CCT3: variants seen among roughly 807,000 people sequenced by gnomAD.
CCT3 encodes T-complex protein 1 subunit gamma.
CCT3 carries 10 observed loss-of-function variants against 65.3 expected under a neutral mutation model. That is an observed-to-expected ratio of 0.15 (90% CI 0.09 to 0.26). The LOEUF (loss-of-function observed/expected upper bound fraction) is 0.26. Among genes scored for constraint, CCT3 ranks in the 10% least tolerant of loss-of-function variants. CCT3 has a pLI of 1.00. For synonymous variants in CCT3, 225 were observed against 242.3 expected (o/e 0.93, Z 0.66); for missense variants, 626 against 708.7 (o/e 0.88, Z 1.33).
intron 10 of CCT3, among the ~76,000 whole-genome samples, chr1:156,315,370 A>G (rs995868194): frequency 5.3e-5 from 8 of 152,096 alleles, no homozygotes; most frequent in South Asian, 2.1e-4. Flanking sequence ...CACCACACCT[A>G]GCTAATTTTT....
chr1:156,317,695 ATTTAGC>A, intron 8 of CCT3, 148 bp from the exon 9 acceptor site: 2 of 667,616 alleles, frequency 3.0e-6, no homozygotes, highest in Non-Finnish European at 4.9e-6. Flanking sequence ...CTGTAAGCCA[ATTTAGC>A]TTTAGTTTTG....
Position 156,310,990 on chromosome 1 carries a change from T to C in CCT3, c.1361A>G (p.Asn454Ser). The C allele has an allele frequency of 6.2e-7, 1 of 1,614,192 alleles. No homozygotes were observed. The highest frequency in any genetic ancestry group is 8.5e-7 in the Non-Finnish European group (1 of 1,180,036). ...TAGACGGATGGTGCTGGCCCCACAGTTCTGGATCAGGGTACGAGGAATGAC... is the reference window on the plus strand; with the variant it reads ...TAGACGGATGGTGCTGGCCCCACAGCTCTGGATCAGGGTACGAGGAATGAC... ...LEVIPRTLIQ[N>S]CGASTIRLLT... is the part of the protein sequence containing the mutation. The change falls in exon 12 of 14, where the codon AAC becomes AGC. Residue 454 changes from asparagine (N) to serine (S), a missense_variant. By Grantham distance (46) the Asn-to-Ser change is conservative (BLOSUM62 1). Transcript: ENST00000295688.
intron 10 of CCT3, among the ~76,000 whole-genome samples, chr1:156,315,540 C>T (rs1282231331): frequency 6.6e-6 from 1 of 152,118 alleles, no homozygotes; most frequent in East Asian, 1.9e-4. Context: ...TTTTCTCTAG[C>T]TTACTTTATT....
rs142838408 is a variant in CCT3, at chr1:156,333,623, C to T, written c.228G>A (p.Ala76=). 2.0e-5 allele frequency: 33 copies of T among 1,613,806 alleles called. No homozygotes were observed. Among genetic ancestry groups the T allele is most frequent in the East Asian group, 6.7e-5 (3 of 44,882 alleles). Residue 76 remains alanine, a synonymous_variant, in exon 5 of 14, where the codon GCG becomes GCA. Coordinates refer to ENST00000295688, the MANE Select transcript of CCT3 (RefSeq NM_005998.5). ...GGCTAATTTCGATCATGGACTTGGC[C>T]GCTGGATGCTGGACTTGAATCTAAA... ...ILREIQVQHP[A]AKSMIEISRT...
intron 4 of CCT3, 52 bp downstream of exon 4, chr1:156,334,661 T>G: frequency 6.4e-7 from 1 of 1,553,094 alleles, no homozygotes. Context: ...AGGTCCTTTA[T>G]GTTTACAGAA....
Position 156,311,079 on chromosome 1 carries a change from T to C in CCT3, c.1272A>G (p.Glu424=). The C allele has an allele frequency of 6.2e-7, 1 of 1,614,044 alleles. No homozygotes were observed. Among genetic ancestry groups the C allele is most frequent in the Non-Finnish European group, 8.5e-7 (1 of 1,179,994 alleles). The change falls in exon 12 of 14, where the codon GAA becomes GAG. Residue 424 remains glutamate (E), a synonymous_variant. Coordinates refer to ENST00000295688, the MANE Select transcript of CCT3 (RefSeq NM_005998.5). The part of the protein sequence containing the change: ...SEMAVAHALT[E]KSKAMTGVEQ... ...CCACACCAGTCATGGCCTTGGATTT[T>C]TCTGTCAAGGCATGGGCCACAGCCA...
rs1298149925 is a variant in CCT3 at position 156,334,729 on chromosome 1, T to C, written c.191A>G (p.Asn64Ser). The C allele has an allele frequency of 1.2e-6, 2 of 1,613,990 alleles. No homozygotes were observed. Among genetic ancestry groups the C allele is most frequent in the African/African-American group, 1.3e-5 (1 of 74,926 alleles). ...MGGIVMTNDG[N>S]AILREIQVQH... ...AAAACACACCTCTCGAAGAATGGCATTGCCATCATTGGTCATCACAATGCC... is the reference window on the plus strand; with the variant it reads ...AAAACACACCTCTCGAAGAATGGCACTGCCATCATTGGTCATCACAATGCC... Residue 64 changes from asparagine to serine, a missense_variant, in exon 4 of 14, where the codon AAT (asparagine) becomes AGT (serine). Transcript: ENST00000295688.
chr1:156,317,323 C>T, intron 9 of CCT3, 76 bp from the exon 10 acceptor site: 1 of 1,591,118 alleles, frequency 6.3e-7, no homozygotes, highest in Non-Finnish European at 8.6e-7. Context: ...AACCATGACA[C>T]TATTACGCCC....
intron 7 of CCT3, 122 bp downstream of exon 7, chr1:156,320,717 G>A (rs1315509908): frequency 2.7e-6 from 2 of 750,362 alleles, no homozygotes; most frequent in African/African-American, 3.5e-5. Context: ...TAGGCAACAA[G>A]GTGAGACTCT....
intron 2 of CCT3, 117 bp downstream of exon 2, chr1:156,335,710 T>C (rs1243252796): frequency 2.7e-6 from 2 of 746,626 alleles, no homozygotes; most frequent in Non-Finnish European, 2.2e-6. Flanking sequence ...GGTCAACTTT[T>C]CCTCTGCCTA....
At chr1:156,316,996 A>T (rs746441881) in intron 10 of CCT3, among the ~76,000 whole-genome samples, 170 bp downstream of exon 10, 23 of 152,194 alleles carry the variant, frequency 1.5e-4, no homozygotes, top group Admixed American at 8.5e-4. Flanking sequence ...TCACGCAGTA[A>T]ATAACTGTTG....
chr1:156,332,990 G>A (rs1665171469), intron 5 of CCT3: 2 of 159,750 alleles, frequency 1.3e-5, no homozygotes, highest in Admixed American at 1.2e-4. Context: ...TTTATTATTT[G>A]CCAATTCAGT....
intron 11 of CCT3, among the ~76,000 whole-genome samples, chr1:156,311,615 A>G (rs12755542): frequency 0.26 from 39,080 of 152,126 alleles, 5,303 homozygotes; most frequent in Non-Finnish European, 0.27. Context: ...CTTACTAGCT[A>G]TGTGCCTTTG....
intron 5 of CCT3, among the ~76,000 whole-genome samples, chr1:156,327,581 G>A (rs544972620): frequency 2.0e-5 from 3 of 152,172 alleles, no homozygotes; most frequent in Admixed American, 1.3e-4. Flanking sequence ...ACGGAGTCTC[G>A]TTCACTCAGT....
chr1:156,315,393 G>A (rs1006897915), intron 10 of CCT3, among the ~76,000 whole-genome samples: 1 of 152,098 alleles, frequency 6.6e-6, no homozygotes, highest in African/African-American at 2.4e-5. Flanking sequence ...ATTATTATTA[G>A]AGATGGGGTT....
At chr1:156,332,240 C>A (rs1247067324) in intron 5 of CCT3, among the ~76,000 whole-genome samples, 1 of 152,144 alleles carries the variant, frequency 6.6e-6, no homozygotes, top group Non-Finnish European at 1.5e-5. Flanking sequence ...TCTCGAACTC[C>A]TGACCTCGTG....
chr1:156,329,739 G>C lies in CCT3; in HGVS notation c.304+3808C>G, dbSNP rs1665028362. On this transcript the variant is annotated intron_variant, in intron 5 of 13. Coordinates refer to ENST00000295688, the MANE Select transcript of CCT3 (RefSeq NM_005998.5). Reference sequence around the variant, plus strand: ...GGATCACCTGAAGTCAGGAGTTTGAGACCAGCCTGACCAACATGGTGAAAC... The same window carrying C: ...GGATCACCTGAAGTCAGGAGTTTGACACCAGCCTGACCAACATGGTGAAAC... Among the ~76,000 whole-genome samples, 6 of 149,354 alleles carry C rather than the reference G, an allele frequency of 4.0e-5. No homozygotes were observed. In the South Asian group the frequency reaches 1.4e-3, roughly 34 times the overall value.
At chr1:156,328,290 T>C (rs1664947829) in intron 5 of CCT3, among the ~76,000 whole-genome samples, 1 of 149,964 alleles carries the variant, frequency 6.7e-6, no homozygotes, top group Non-Finnish European at 1.5e-5. Flanking sequence ...GGGGCGCTTC[T>C]GCCCGGCTGC....
chr1:156,338,275 T>G lies in CCT3; in HGVS notation c.-91A>C, dbSNP rs1280981081. ...AACCAGACAGAAGCCCAGAAAACGC[T>G]GCCTCCTCAGGGCTTACACCTCAAC... On this transcript the variant is annotated 5_prime_UTR_variant, in exon 1 of 14. Coordinates refer to ENST00000295688, the MANE Select transcript of CCT3 (RefSeq NM_005998.5). 2.2e-6 allele frequency: 3 copies of G among 1,356,486 alleles called. No individual in the cohort carries two copies. The highest frequency in any genetic ancestry group is 1.4e-5 in the African/African-American group (1 of 69,524). The allele number at this position is 1,356,486 out of a possible 1,614,324, so 84.0% of individuals were successfully genotyped here.
Sources: allele counts gnomAD v4.1 joint callset (sites outside exome capture counted in the v4.1 genomes callset), GRCh38; gene constraint gnomAD v4.1.1; transcripts MANE v1.5; gene names NCBI Gene and HGNC (gene_info 2026-07-23, HGNC 2026-07-21).